The following LRRC4C variants were observed in gnomAD, a reference collection of about 807,000 sequenced individuals.
The protein encoded by LRRC4C is leucine-rich repeat-containing protein 4C.
Under a neutral mutation model 33.6 loss-of-function variants are expected in LRRC4C, and 5 were observed. The ratio of observed to expected loss-of-function variants is 0.15; its 90% CI spans 0.08 to 0.31. LRRC4C has a LOEUF of 0.31. Ranked by LOEUF, LRRC4C falls within the 10% of genes least tolerant of loss-of-function variation. The pLI, the probability that LRRC4C is intolerant of heterozygous loss-of-function variation, is 1.00. For missense variants in LRRC4C, 560 were observed against 796.7 expected (o/e 0.70, Z 3.58); for synonymous variants, 329 against 302.0 (o/e 1.09, Z -0.93).
At chr11:40,692,180 C>T (rs1380338384) in intron 2 of LRRC4C, among the ~76,000 whole-genome samples, 5 of 151,902 alleles carry the variant, frequency 3.3e-5, no homozygotes, top group African/African-American at 1.2e-4. Flanking sequence ...GATCAGCATA[C>T]AATGTGTCAA....
In LRRC4C at chr11:40,639,588, T is replaced by C. The variant is rs189820050; in HGVS notation, c.-270+8554A>G. The stretch of plus-strand genomic sequence containing the variant: ...CCTTCTTTGTGCAAGGCATTCAATT[T>C]AGGAGTCACTCTCTGTAATAGATGC... On this transcript the variant is annotated intron_variant, in intron 3 of 6. Transcript: ENST00000528697. Among the ~76,000 whole-genome samples, 27 of 152,362 alleles carry C rather than the reference T, an allele frequency of 1.8e-4. No individual in the cohort carries two copies. In the East Asian group the frequency reaches 5.0e-3, roughly 28 times the overall value.
chr11:41,238,931 C>T (rs1237410282), intron 1 of LRRC4C, among the ~76,000 whole-genome samples: 2 of 151,986 alleles, frequency 1.3e-5, no homozygotes, highest in African/African-American at 2.4e-5. Context: ...TGCAGTATGT[C>T]CCTTTCCCAT....
At chr11:40,482,610 C>T (rs1590874999) in intron 3 of LRRC4C, among the ~76,000 whole-genome samples, 1 of 152,060 alleles carries the variant, frequency 6.6e-6, no homozygotes, top group African/African-American at 2.4e-5. Flanking sequence ...GCTGGGACTA[C>T]AGGCATGCAT....
At chr11:40,460,786 A>T (rs540004597) in intron 3 of LRRC4C, among the ~76,000 whole-genome samples, 2 of 152,292 alleles carry the variant, frequency 1.3e-5, no homozygotes, top group South Asian at 4.1e-4. Flanking sequence ...CTAAAACACC[A>T]TGAGGCATAT....
At chr11:40,899,324 G>A (rs1167792171) in intron 2 of LRRC4C, among the ~76,000 whole-genome samples, 1 of 152,236 alleles carries the variant, frequency 6.6e-6, no homozygotes, top group South Asian at 2.1e-4. Flanking sequence ...AATAAGAGTT[G>A]GAAGGTCCCT....
At chr11:40,768,950 C>G (rs1241774739) in intron 2 of LRRC4C, among the ~76,000 whole-genome samples, 1 of 152,028 alleles carries the variant, frequency 6.6e-6, no homozygotes, top group Non-Finnish European at 1.5e-5. Context: ...ACTTTCACCA[C>G]TGTAATTCAC....
At chr11:40,914,066 AC>A (rs1219522343) in intron 2 of LRRC4C, among the ~76,000 whole-genome samples, 1 of 152,122 alleles carries the variant, frequency 6.6e-6, no homozygotes, top group African/African-American at 2.4e-5. Flanking sequence ...TAGCTTACCA[AC>A]CAAAAAAAGT....
At chr11:41,216,987 G>T (rs979094629) in intron 1 of LRRC4C, among the ~76,000 whole-genome samples, 1 of 152,050 alleles carries the variant, frequency 6.6e-6, no homozygotes, top group African/African-American at 2.4e-5. Context: ...GAGATTAAAA[G>T]AAACGGGTCA....
chr11:41,250,160 C>A (rs138383319), intron 1 of LRRC4C, among the ~76,000 whole-genome samples: 225 of 152,196 alleles, frequency 1.5e-3, no homozygotes, highest in East Asian at 0.014. Context: ...CAGAGCAAGA[C>A]TTCATCTCAA....
intron 3 of LRRC4C, among the ~76,000 whole-genome samples, chr11:40,448,217 C>T (rs1951727110): frequency 6.6e-6 from 1 of 152,128 alleles, no homozygotes; most frequent in South Asian, 2.1e-4. Context: ...AGTTAAAATT[C>T]ACAGAGATCT....
chr11:40,845,948 T>C (rs1404689146), intron 2 of LRRC4C, among the ~76,000 whole-genome samples: 2 of 152,160 alleles, frequency 1.3e-5, no homozygotes, highest in East Asian at 3.8e-4. Context: ...TGAGCTTTTT[T>C]TCATGTTTGT....
intron 1 of LRRC4C, among the ~76,000 whole-genome samples, chr11:41,007,721 C>T (rs753739276): frequency 6.6e-6 from 1 of 152,010 alleles, no homozygotes; most frequent in Non-Finnish European, 1.5e-5. Context: ...ATTATTTAGC[C>T]ATTGTCACCA....
intron 2 of LRRC4C, among the ~76,000 whole-genome samples, chr11:40,753,675 C>T (rs537787920): frequency 1.1e-4 from 17 of 150,628 alleles, no homozygotes; most frequent in African/African-American, 2.2e-4. Flanking sequence ...AATTTTATTT[C>T]GATTTAATTT....
chr11:41,170,922 C>A (rs1020676370), intron 1 of LRRC4C, among the ~76,000 whole-genome samples: 1 of 152,112 alleles, frequency 6.6e-6, no homozygotes, highest in East Asian at 1.9e-4. Context: ...AAACAAACAA[C>A]CCCATCAAAA....
chr11:41,214,864 T>C (rs1243619172), intron 1 of LRRC4C, among the ~76,000 whole-genome samples: 1 of 147,366 alleles, frequency 6.8e-6, no homozygotes, highest in Non-Finnish European at 1.5e-5. Flanking sequence ...AAGTAAATTG[T>C]GGTTCACTTA....
intron 2 of LRRC4C, among the ~76,000 whole-genome samples, chr11:40,679,978 G>C (rs1273444516): frequency 6.6e-6 from 1 of 152,180 alleles, no homozygotes; most frequent in Non-Finnish European, 1.5e-5. Flanking sequence ...GCCAGCCCGT[G>C]AAAGCAGCTA....
At chr11:40,676,783 CA>C (rs1384095540) in intron 2 of LRRC4C, among the ~76,000 whole-genome samples, 19 of 152,008 alleles carry the variant, frequency 1.2e-4, no homozygotes, top group Non-Finnish European at 2.6e-4. Flanking sequence ...GCAAATAGGC[CA>C]AATAATTAAC....
intron 4 of LRRC4C, among the ~76,000 whole-genome samples, chr11:40,261,733 T>A (rs553390199): frequency 1.3e-5 from 2 of 152,002 alleles, no homozygotes; most frequent in Non-Finnish European, 1.5e-5. Context: ...AAACAAGCAA[T>A]GGGGAAAGGA....
intron 5 of LRRC4C, among the ~76,000 whole-genome samples, chr11:40,188,254 C>A (rs1447566659): frequency 4.6e-5 from 7 of 152,280 alleles, no homozygotes; most frequent in Non-Finnish European, 8.8e-5. Flanking sequence ...ATTCTGACTT[C>A]CTTTTTGGTC....
Sources: allele counts gnomAD v4.1 joint callset (sites outside exome capture counted in the v4.1 genomes callset), GRCh38; gene constraint gnomAD v4.1.1; transcripts MANE v1.5; gene names NCBI Gene and HGNC (gene_info 2026-07-23, HGNC 2026-07-21).